CALN1: variants seen among roughly 807,000 people sequenced by gnomAD.
The protein encoded by CALN1 is calcium-binding protein 8.
A neutral mutation model predicts 30.6 loss-of-function variants in CALN1; 17 were observed. That is an observed-to-expected ratio of 0.56 (90% CI 0.38 to 0.83). CALN1 has a LOEUF of 0.83. CALN1 is among the 40% of genes least tolerant of loss of function. CALN1 has a pLI of 0.00. For missense variants in CALN1, 291 were observed against 354.9 expected, an observed-to-expected ratio of 0.82 and a Z score of 1.45; for synonymous variants, 156 against 131.4, an observed-to-expected ratio of 1.19 and a Z score of -1.28.
chr7:72,367,970 A>G (rs1337128906), intron 2 of CALN1, among the ~76,000 whole-genome samples: 1 of 152,032 alleles, frequency 6.6e-6, no homozygotes, highest in Non-Finnish European at 1.5e-5. Context: ...CGTCTCTACT[A>G]AAAACACAAA....
upstream of CALN1, among the ~76,000 whole-genome samples, chr7:72,413,696 C>G (rs952104272): frequency 1.3e-5 from 2 of 152,056 alleles, no homozygotes; most frequent in African/African-American, 4.8e-5. Flanking sequence ...CACACTCACA[C>G]TACACATACA....
intron 5 of CALN1, among the ~76,000 whole-genome samples, chr7:71,893,135 T>C (rs1310975969): frequency 6.6e-6 from 1 of 152,140 alleles, no homozygotes; most frequent in Non-Finnish European, 1.5e-5. Context: ...ATCCTGGTGG[T>C]TCACCACTGG....
intron 5 of CALN1, among the ~76,000 whole-genome samples, chr7:71,997,730 G>A (rs1799324609): frequency 6.6e-6 from 1 of 152,282 alleles, no homozygotes; most frequent in Middle Eastern, 3.4e-3. Context: ...TGACAATAAT[G>A]TCCCTATCTG....
At chr7:72,266,817 C>T (rs561110383) in intron 3 of CALN1, among the ~76,000 whole-genome samples, 4 of 152,306 alleles carry the variant, frequency 2.6e-5, no homozygotes, top group African/African-American at 9.6e-5. Flanking sequence ...TTGGAAGCAG[C>T]TACCATCAGA....
intron 3 of CALN1, among the ~76,000 whole-genome samples, chr7:72,217,007 G>A (rs1310909778): frequency 6.6e-6 from 1 of 152,050 alleles, no homozygotes; most frequent in South Asian, 2.1e-4. Context: ...CAAAGTGCTG[G>A]GATTACAGGT....
At chr7:72,129,592 A>G (rs1470600114) in intron 3 of CALN1, among the ~76,000 whole-genome samples, 1 of 152,210 alleles carries the variant, frequency 6.6e-6, no homozygotes, top group Non-Finnish European at 1.5e-5. Flanking sequence ...TAAAATAATT[A>G]CAGACGAAAT....
In CALN1 at chr7:72,228,772, T is replaced by G. The variant is rs145082179; in HGVS notation, c.244+49914A>C. ...TTATTTATTTATTTATTTATTTATT[T>G]ATTTATTGAGACAAGGTCTTGCTCT... On this transcript the variant is annotated intron_variant, in intron 3 of 6. Transcript: ENST00000395275. 6.6e-3 allele frequency among the ~76,000 whole-genome samples: 697 copies of G among 106,016 alleles called. 4 individuals are homozygous for G. The highest frequency in any genetic ancestry group is 0.024 in the African/African-American group (672 of 28,540). 69.6% of individuals were successfully genotyped at this position (106,016 alleles called of 152,430 possible). A position where few individuals can be genotyped will look rare whatever the true frequency, so the allele number is the denominator to read the frequency against.
intron 2 of CALN1, among the ~76,000 whole-genome samples, chr7:72,399,589 G>A (rs568323501): frequency 1.3e-5 from 2 of 152,142 alleles, no homozygotes; most frequent in African/African-American, 2.4e-5. Context: ...CTTTTGTTCC[G>A]TAAGTCACAG....
At chr7:72,066,634 A>T (rs1248105830) in intron 4 of CALN1, among the ~76,000 whole-genome samples, 2 of 152,002 alleles carry the variant, frequency 1.3e-5, no homozygotes, top group Non-Finnish European at 2.9e-5. Context: ...TTTTTAAGAG[A>T]CAGGGTCTCT....
At chr7:71,920,801 CT>C (rs1794906280) in intron 5 of CALN1, among the ~76,000 whole-genome samples, 1 of 152,124 alleles carries the variant, frequency 6.6e-6, no homozygotes, top group Non-Finnish European at 1.5e-5. Context: ...GTATAAGAAC[CT>C]TGCGGCAATT....
At chr7:72,277,815 A>AAAT (rs1797436205) in intron 3 of CALN1, among the ~76,000 whole-genome samples, 1 of 152,150 alleles carries the variant, frequency 6.6e-6, no homozygotes, top group Admixed American at 6.5e-5. Flanking sequence ...ACTTAAAAGC[A>AAAT]AATATGTGGG....
At chr7:72,336,668 G>A in intron 2 of CALN1, 1 of 983,908 alleles carries the variant, frequency 1.0e-6, no homozygotes, top group Non-Finnish European at 1.2e-6. Context: ...GAGAGCGCGC[G>A]CGCGGGTAAG....
chr7:72,179,599 C>CAT (rs75309902), intron 3 of CALN1, among the ~76,000 whole-genome samples: 5,446 of 152,064 alleles, frequency 0.036, 123 homozygotes, highest in Non-Finnish European at 0.058. Context: ...CATGTGTGTA[C>CAT]ATATATATGT....
intron 3 of CALN1, among the ~76,000 whole-genome samples, chr7:72,261,872 G>A (rs533299578): frequency 6.6e-6 from 1 of 152,174 alleles, no homozygotes; most frequent in Non-Finnish European, 1.5e-5. Context: ...AAATGGCCTT[G>A]AATGTTAACC....
intron 4 of CALN1, among the ~76,000 whole-genome samples, chr7:72,104,755 G>A (rs572043840): frequency 2.0e-5 from 3 of 152,226 alleles, no homozygotes; most frequent in African/African-American, 7.2e-5. Context: ...TCAGGAGATT[G>A]AGACCATCCT....
chr7:72,123,108 C>T (rs940579208), intron 3 of CALN1, among the ~76,000 whole-genome samples: 5 of 152,060 alleles, frequency 3.3e-5, no homozygotes, highest in Non-Finnish European at 7.4e-5. Flanking sequence ...GCAGTGACCC[C>T]GATAGAACAA....
chr7:72,054,843 C>T (rs1487067421), intron 4 of CALN1, among the ~76,000 whole-genome samples: 2 of 151,926 alleles, frequency 1.3e-5, no homozygotes, highest in East Asian at 1.9e-4. Flanking sequence ...GTATGACAAA[C>T]CCCTGTGATA....
rs1410679506 is a variant in CALN1, at chr7:72,271,575, A to AATATATAT, written c.244+7103_244+7110dup. The stretch of plus-strand genomic sequence containing the variant: ...CTGTGCCTGCCTTTTAAAAAAAAAA[A>AATATATAT]ATATATATATATATATATAGTTTTC... On this transcript the variant is annotated intron_variant, in intron 3 of 6. Coordinates refer to ENST00000395275, the MANE Select transcript of CALN1 (RefSeq NM_031468.4). Among the ~76,000 whole-genome samples, 17 of 52,120 alleles carry AATATATAT rather than the reference A, an allele frequency of 3.3e-4. 1 individual carries two copies. The highest frequency in any genetic ancestry group is 4.3e-4 in the Non-Finnish European group (14 of 32,368). 34.2% of individuals were successfully genotyped at this position (52,120 alleles called of 152,430 possible). A position where few individuals can be genotyped will look rare whatever the true frequency, so the allele number is the denominator to read the frequency against.
intron 5 of CALN1, among the ~76,000 whole-genome samples, chr7:71,945,620 T>C (rs1796365388): frequency 6.6e-6 from 1 of 152,150 alleles, no homozygotes; most frequent in Non-Finnish European, 1.5e-5. Context: ...TATTGTAAAC[T>C]GCACACGCGA....
Sources: allele counts gnomAD v4.1 joint callset (sites outside exome capture counted in the v4.1 genomes callset), GRCh38; gene constraint gnomAD v4.1.1; transcripts MANE v1.5; gene names NCBI Gene and HGNC (gene_info 2026-07-23, HGNC 2026-07-21).